Variants in PCCA observed in about 807,000 individuals in gnomAD.
PCCA encodes propionyl-CoA carboxylase subunit alpha.
PCCA carries 74 observed loss-of-function variants against 101.3 expected under a neutral mutation model. The ratio of observed to expected loss-of-function variants is 0.73; its 90% CI spans 0.61 to 0.89. The LOEUF is 0.89. Ranked by LOEUF, PCCA falls within the 40% of genes least tolerant of loss-of-function variation. The probability of loss-of-function intolerance (pLI) is 0.00; values close to 1 mark genes in which losing one functional copy is unlikely to be tolerated. For missense variants in PCCA, 891 were observed against 907.0 expected (o/e 0.98, Z 0.23); for synonymous variants, 294 against 313.6 (o/e 0.94, Z 0.66).
chr13:100,128,792 T>G (rs879517613), intron 4 of PCCA, among the ~76,000 whole-genome samples: 1 of 152,170 alleles, frequency 6.6e-6, no homozygotes, highest in Non-Finnish European at 1.5e-5. Context: ...TCCTCTGGCT[T>G]TGGTGCCATT....
chr13:100,493,024 C>T (rs577502581), intron 21 of PCCA, among the ~76,000 whole-genome samples: 3 of 152,268 alleles, frequency 2.0e-5, no homozygotes, highest in East Asian at 1.9e-4. Flanking sequence ...GCAGGGCTTA[C>T]AGGGCTGTCA....
chr13:100,106,138 G>T (rs537522288), intron 2 of PCCA, among the ~76,000 whole-genome samples: 1 of 149,898 alleles, frequency 6.7e-6, no homozygotes, highest in East Asian at 1.9e-4. Flanking sequence ...GCAGAATATT[G>T]TTTTTTTTTG....
intron 7 of PCCA, among the ~76,000 whole-genome samples, chr13:100,227,598 T>C (rs906229169): frequency 7.9e-5 from 12 of 152,200 alleles, no homozygotes; most frequent in Admixed American, 6.5e-4. Flanking sequence ...TTCCCTTTTC[T>C]CCGTTTCTTA....
intron 16 of PCCA, among the ~76,000 whole-genome samples, chr13:100,324,945 A>G (rs957666703): frequency 6.6e-6 from 1 of 152,218 alleles, no homozygotes; most frequent in Non-Finnish European, 1.5e-5. Flanking sequence ...ATCCATACAA[A>G]GTGCTACTAG....
chr13:100,139,828 T>A (rs2051642968), intron 4 of PCCA, among the ~76,000 whole-genome samples: 1 of 152,176 alleles, frequency 6.6e-6, no homozygotes, highest in African/African-American at 2.4e-5. Context: ...CTGAATTTAG[T>A]TCATTTCTTT....
intron 1 of PCCA, among the ~76,000 whole-genome samples, chr13:100,094,529 T>TA (rs1358591229): frequency 1.3e-5 from 2 of 152,208 alleles, no homozygotes; most frequent in Non-Finnish European, 2.9e-5. Flanking sequence ...TGTTGGAAGA[T>TA]ACAGTTTTGT....
chr13:100,422,152 T>TCTTTTCTTTC (rs2078871860), intron 19 of PCCA, among the ~76,000 whole-genome samples: 1 of 138,780 alleles, frequency 7.2e-6, no homozygotes, highest in African/African-American at 2.7e-5. Flanking sequence ...TTTTTTTTTT[T>TCTTTTCTTTC]GACAGCATTT....
chr13:100,122,716 T>C (rs1386419268), intron 4 of PCCA, among the ~76,000 whole-genome samples: 1 of 152,210 alleles, frequency 6.6e-6, no homozygotes, highest in Non-Finnish European at 1.5e-5. Context: ...TGGCCTAGTC[T>C]GTTCAGGCTT....
chr13:100,237,440 C>T (rs2060867850), intron 8 of PCCA: 1 of 152,062 alleles, frequency 6.6e-6, no homozygotes, highest in South Asian at 2.1e-4. Flanking sequence ...TTCAAAAAGC[C>T]TATCAGTACT....
intron 20 of PCCA, among the ~76,000 whole-genome samples, chr13:100,429,340 C>CA (rs532641962): frequency 5.3e-4 from 81 of 151,852 alleles, no homozygotes; most frequent in African/African-American, 1.9e-3. Context: ...TGTCTCTTTG[C>CA]AATTGTTTAT....
chr13:100,514,171 G>A (rs150697325), intron 21 of PCCA, among the ~76,000 whole-genome samples: 319 of 152,254 alleles, frequency 2.1e-3, no homozygotes, highest in African/African-American at 6.5e-3. Flanking sequence ...ACTGGCAGAC[G>A]CTTCTATGTC....
intron 16 of PCCA, among the ~76,000 whole-genome samples, chr13:100,320,556 G>A (rs1031004451): frequency 3.9e-5 from 6 of 152,270 alleles, no homozygotes; most frequent in African/African-American, 1.4e-4. Context: ...TTTTGTCAAA[G>A]GCCTTTTCTG....
intron 21 of PCCA, among the ~76,000 whole-genome samples, chr13:100,456,863 C>G (rs140541201): frequency 0.019 from 2,857 of 152,174 alleles, 99 homozygotes; most frequent in African/African-American, 0.065. Flanking sequence ...CTCCAGATGA[C>G]TGCGGGCAGA....
intron 12 of PCCA, among the ~76,000 whole-genome samples, chr13:100,283,936 C>T (rs1272538819): frequency 6.6e-6 from 1 of 151,818 alleles, no homozygotes; most frequent in East Asian, 1.9e-4. Flanking sequence ...ACGAAGATTC[C>T]CTGGGTCAGA....
intron 21 of PCCA, among the ~76,000 whole-genome samples, chr13:100,484,165 C>T (rs1049196247): frequency 2.0e-5 from 3 of 151,992 alleles, no homozygotes; most frequent in Non-Finnish European, 2.9e-5. Context: ...TCTTGTTCTC[C>T]GGCTCAGTAT....
intron 21 of PCCA, among the ~76,000 whole-genome samples, chr13:100,495,451 T>C (rs1457372890): frequency 6.6e-6 from 1 of 152,202 alleles, no homozygotes; most frequent in East Asian, 1.9e-4. Flanking sequence ...TGTTAACTTG[T>C]AGTTATTTGT....
intron 21 of PCCA, among the ~76,000 whole-genome samples, chr13:100,471,460 A>G (rs879419494): frequency 2.0e-5 from 3 of 152,244 alleles, no homozygotes; most frequent in Non-Finnish European, 2.9e-5. Context: ...AATGGTGGCA[A>G]TAGATAAAGG....
At chr13:100,504,138 C>T (rs2085893935) in intron 21 of PCCA, among the ~76,000 whole-genome samples, 1 of 152,166 alleles carries the variant, frequency 6.6e-6, no homozygotes. Context: ...CCATAAAATA[C>T]ATTGTTTTAT....
At chr13:100,431,328 G>A (rs557024531) in intron 20 of PCCA, among the ~76,000 whole-genome samples, 14 of 152,044 alleles carry the variant, frequency 9.2e-5, no homozygotes, top group South Asian at 2.1e-4. Flanking sequence ...TTCTTCCTGC[G>A]TTATGGCTCC....
Sources: allele counts gnomAD v4.1 joint callset (sites outside exome capture counted in the v4.1 genomes callset), GRCh38; gene constraint gnomAD v4.1.1; transcripts MANE v1.5; gene names NCBI Gene and HGNC (gene_info 2026-07-23, HGNC 2026-07-21).